The following ELOVL6 variants were observed in gnomAD, a reference collection of about 807,000 sequenced individuals.
The protein encoded by ELOVL6 is very long chain fatty acid elongase 6.
ELOVL6 carries 8 observed loss-of-function variants against 31.7 expected under a neutral mutation model. The ratio of observed to expected loss-of-function variants is 0.25; its 90% confidence interval spans 0.15 to 0.45. ELOVL6 has a LOEUF of 0.45. Ranked by LOEUF, ELOVL6 falls within the 20% of genes least tolerant of loss-of-function variation. The probability of loss-of-function intolerance (pLI) is 1.00; values close to 1 mark genes in which losing one functional copy is unlikely to be tolerated. For synonymous variants in ELOVL6, 101 were observed against 117.7 expected (o/e 0.86, Z 0.92); for missense variants, 126 against 326.4 (o/e 0.39, Z 4.73).
At chr4:110,075,580 C>G (rs1450373624) in intron 2 of ELOVL6, among the ~76,000 whole-genome samples, 1 of 152,112 alleles carries the variant, frequency 6.6e-6, no homozygotes, top group African/African-American at 2.4e-5. Context: ...GATACAGAAA[C>G]TAGAATGGTG....
chr4:110,123,597 A>T (rs558030596), intron 1 of ELOVL6, among the ~76,000 whole-genome samples: 16 of 152,202 alleles, frequency 1.1e-4, no homozygotes, highest in Non-Finnish European at 2.1e-4. Context: ...AGAGTGAGGG[A>T]CAGAGCACAG....
intron 1 of ELOVL6, among the ~76,000 whole-genome samples, chr4:110,150,114 G>T (rs1046351719): frequency 6.6e-5 from 10 of 151,928 alleles, no homozygotes; most frequent in Admixed American, 3.9e-4. Context: ...GTCTCACTAT[G>T]TGGCCCAGGC....
chr4:110,091,663 C>T (rs74520271), intron 2 of ELOVL6, among the ~76,000 whole-genome samples: 12,759 of 152,208 alleles, frequency 0.084, 695 homozygotes, highest in South Asian at 0.15. Context: ...TGCTCCAGTT[C>T]CGGGTTAACA....
intron 1 of ELOVL6, among the ~76,000 whole-genome samples, chr4:110,196,277 TGCTGACCAC>T (rs1374397245): frequency 6.6e-6 from 1 of 151,130 alleles, no homozygotes; most frequent in African/African-American, 2.4e-5. Context: ...CAGAAGCAAA[TGCTGACCAC>T]ACTGACCACA....
intron 2 of ELOVL6, among the ~76,000 whole-genome samples, chr4:110,085,628 AG>A (rs1756242682): frequency 6.6e-6 from 1 of 152,204 alleles, no homozygotes; most frequent in South Asian, 2.1e-4. Context: ...TGGTATCTAA[AG>A]GGGCATATAA....
chr4:110,061,607 A>G (rs1396562657), intron 2 of ELOVL6, among the ~76,000 whole-genome samples: 2 of 124,482 alleles, frequency 1.6e-5, no homozygotes, highest in African/African-American at 6.2e-5. Flanking sequence ...GCCAGGCTGG[A>G]GTACAGTGGC....
intron 1 of ELOVL6, among the ~76,000 whole-genome samples, chr4:110,168,158 T>C (rs1352324715): frequency 6.6e-6 from 1 of 152,026 alleles, no homozygotes; most frequent in Non-Finnish European, 1.5e-5. Context: ...TGAGAGTAAA[T>C]CATTTTTAGG....
rs145754369 is a variant in ELOVL6, at chr4:110,090,812, C to A, written c.221+14685G>T. On this transcript the variant is annotated intron_variant, in intron 2 of 3. Transcript: ENST00000302274. ...CAGAGATGGGGTTTCGCCATGTTGG[C>A]CAGGATGGTCTCAATCTCCTGACTT... is the stretch of plus-strand genomic sequence containing the variant. 1.6e-3 allele frequency among the ~76,000 whole-genome samples: 249 copies of A among 151,984 alleles called. 4 individuals carry two copies. In the East Asian group the frequency reaches 0.038, roughly 23 times the overall value.
At chr4:110,180,591 T>C (rs1244584395) in intron 1 of ELOVL6, among the ~76,000 whole-genome samples, 1 of 152,202 alleles carries the variant, frequency 6.6e-6, no homozygotes, top group Non-Finnish European at 1.5e-5. Flanking sequence ...TAAAGCAAGA[T>C]GAGTTCTCAC....
At chr4:110,082,002 A>T (rs1008187529) in intron 2 of ELOVL6, among the ~76,000 whole-genome samples, 12 of 150,748 alleles carry the variant, frequency 8.0e-5, no homozygotes, top group Admixed American at 7.3e-4. Context: ...AATGCTCATC[A>T]TCACTGGCCA....
intron 1 of ELOVL6, among the ~76,000 whole-genome samples, chr4:110,191,259 T>C (rs1347150103): frequency 9.9e-5 from 15 of 152,200 alleles, no homozygotes; most frequent in African/African-American, 1.4e-4. Flanking sequence ...CCTGAATACA[T>C]GTACAATCAG....
chr4:110,158,559 ATATATATATACATCTATATATATATG>A (rs1491076007), intron 1 of ELOVL6, among the ~76,000 whole-genome samples: 1 of 144,328 alleles, frequency 6.9e-6, no homozygotes. Context: ...TTGGAGAGAG[ATATATATATACATCTATATATATATG>A]TATATATATA....
chr4:110,114,889 G>A (rs1290159570), intron 1 of ELOVL6, among the ~76,000 whole-genome samples: 1 of 152,080 alleles, frequency 6.6e-6, no homozygotes, highest in African/African-American at 2.4e-5. Flanking sequence ...ATAACAGCTT[G>A]CACAATTATA....
intron 1 of ELOVL6, among the ~76,000 whole-genome samples, chr4:110,142,142 C>T (rs979677734): frequency 1.4e-5 from 2 of 138,390 alleles, no homozygotes; most frequent in East Asian, 4.2e-4. Context: ...GTGATCTCGG[C>T]TCACTGCAAG....
chr4:110,166,562 G>A (rs1291905617), intron 1 of ELOVL6, among the ~76,000 whole-genome samples: 3 of 152,134 alleles, frequency 2.0e-5, no homozygotes, highest in South Asian at 2.1e-4. Flanking sequence ...TAAATGAGCC[G>A]AGATCGCGCC....
At chr4:110,129,028 G>A (rs1215354283) in intron 1 of ELOVL6, among the ~76,000 whole-genome samples, 1 of 152,196 alleles carries the variant, frequency 6.6e-6, no homozygotes, top group African/African-American at 2.4e-5. Flanking sequence ...TACACATTCA[G>A]TACTCAAAGG....
At chr4:110,080,497 A>T (rs1755805771) in intron 2 of ELOVL6, among the ~76,000 whole-genome samples, 1 of 152,200 alleles carries the variant, frequency 6.6e-6, no homozygotes, top group South Asian at 2.1e-4. Flanking sequence ...AAACCACATG[A>T]TTATCTCAAT....
chr4:110,083,372 C>A (rs1487402458), intron 2 of ELOVL6, among the ~76,000 whole-genome samples: 1 of 151,562 alleles, frequency 6.6e-6, no homozygotes, highest in Admixed American at 6.6e-5. Context: ...CCAGGCTGGC[C>A]AAGACCTAGA....
intron 1 of ELOVL6, among the ~76,000 whole-genome samples, chr4:110,197,094 G>C (rs933436116): frequency 3.9e-5 from 6 of 152,198 alleles, no homozygotes; most frequent in African/African-American, 1.4e-4. Flanking sequence ...ACGCGCGCTC[G>C]CGCACGCGGC....
Sources: gnomAD v4.1 joint callset for allele counts (sites outside exome capture counted in the v4.1 genomes callset) on GRCh38, gnomAD v4.1.1 for gene constraint, MANE v1.5 for transcripts, NCBI Gene and HGNC (gene_info 2026-07-23, HGNC 2026-07-21) for gene names.